The following LRMDA variants were observed in gnomAD, a reference collection of about 807,000 sequenced individuals.
LRMDA encodes leucine-rich melanocyte differentiation-associated protein.
LRMDA carries 18 observed loss-of-function variants against 29.8 expected under a neutral mutation model. That is an observed-to-expected ratio of 0.60 (90% CI 0.42 to 0.90). The LOEUF is 0.90. LRMDA is among the 40% of genes least tolerant of loss of function. The probability of loss-of-function intolerance (pLI) is 0.00; values close to 1 mark genes in which losing one functional copy is unlikely to be tolerated. For missense variants in LRMDA, 273 were observed against 273.9 expected (o/e 1.00, Z 0.02); for synonymous variants, 125 against 109.4 (o/e 1.14, Z -0.89).
At chr10:76,107,199 A>G (rs144393025) in intron 5 of LRMDA, among the ~76,000 whole-genome samples, 2 of 152,252 alleles carry the variant, frequency 1.3e-5, no homozygotes, top group East Asian at 3.9e-4. Flanking sequence ...TTTCAAGGGA[A>G]ATCTATTAGC....
At chr10:75,668,639 A>T (rs985905164) in intron 2 of LRMDA, among the ~76,000 whole-genome samples, 2 of 152,252 alleles carry the variant, frequency 1.3e-5, no homozygotes, top group Non-Finnish European at 2.9e-5. Context: ...AATAAGAAAA[A>T]TTTTTTTGAA....
intron 2 of LRMDA, among the ~76,000 whole-genome samples, chr10:76,006,529 C>T (rs745567179): frequency 1.3e-5 from 2 of 152,108 alleles, no homozygotes; most frequent in Non-Finnish European, 2.9e-5. Flanking sequence ...CTCTGCAGAG[C>T]GAAGCTCCAA....
chr10:76,028,451 C>A (rs759556217), intron 2 of LRMDA, among the ~76,000 whole-genome samples: 23 of 152,000 alleles, frequency 1.5e-4, no homozygotes, highest in Non-Finnish European at 3.1e-4. Flanking sequence ...GATAGTTGAA[C>A]TTTATTATTT....
At chr10:76,325,984 A>G (rs923247082) in intron 6 of LRMDA, among the ~76,000 whole-genome samples, 1 of 152,246 alleles carries the variant, frequency 6.6e-6, no homozygotes, top group African/African-American at 2.4e-5. Context: ...CTCTTGGATG[A>G]CATCAGGGCT....
At chr10:75,826,542 T>C (rs777522876) in intron 2 of LRMDA, among the ~76,000 whole-genome samples, 1 of 152,214 alleles carries the variant, frequency 6.6e-6, no homozygotes, top group Non-Finnish European at 1.5e-5. Flanking sequence ...CCTGTGGAGC[T>C]CTTTCTTTTA....
At chr10:75,433,699 C>T (rs776165658) in intron 1 of LRMDA, among the ~76,000 whole-genome samples, 4 of 151,874 alleles carry the variant, frequency 2.6e-5, no homozygotes, top group East Asian at 1.9e-4. Context: ...AAATAAAACC[C>T]GCAAAACTTC....
chr10:76,532,066 G>A (rs1311074959), intron 6 of LRMDA, among the ~76,000 whole-genome samples: 3 of 152,074 alleles, frequency 2.0e-5, no homozygotes, highest in Non-Finnish European at 4.4e-5. Flanking sequence ...TGGGGTACAT[G>A]TGCAGAACAT....
chr10:75,604,919 T>G (rs1840936729), intron 2 of LRMDA, among the ~76,000 whole-genome samples: 1 of 152,240 alleles, frequency 6.6e-6, no homozygotes, highest in Non-Finnish European at 1.5e-5. Flanking sequence ...TTCTCTTTGT[T>G]CTTGTGACAT....
intron 5 of LRMDA, among the ~76,000 whole-genome samples, chr10:76,076,303 G>A (rs941385067): frequency 2.4e-5 from 3 of 127,554 alleles, no homozygotes; most frequent in African/African-American, 9.0e-5. Flanking sequence ...AGACCGCCAT[G>A]CCACTGCACT....
chr10:76,069,802 T>G (rs1429479176), intron 5 of LRMDA, among the ~76,000 whole-genome samples: 1 of 152,190 alleles, frequency 6.6e-6, no homozygotes, highest in Admixed American at 6.5e-5. Context: ...CCTCCCCCAT[T>G]CCACAGCCTT....
intron 2 of LRMDA, among the ~76,000 whole-genome samples, chr10:75,981,885 A>G (rs1302093430): frequency 4.0e-5 from 6 of 150,114 alleles, no homozygotes; most frequent in African/African-American, 1.2e-4. Flanking sequence ...GAGTGATAGG[A>G]TGGAACAAAA....
In LRMDA at chr10:75,923,809, CT is replaced by C. The variant is rs1018184605; in HGVS notation, c.132-112193del. Among the ~76,000 whole-genome samples the C allele has an allele frequency of 3.9e-5, 6 of 152,062 alleles. No individual in the cohort carries two copies. In the East Asian group the frequency reaches 5.8e-4, roughly 15 times the overall value. On this transcript the variant is annotated intron_variant, in intron 2 of 6. Transcript: ENST00000611255. ...AATGACCTTCCATTTTAGGGATTCC[CT>C]TTTTTGCACCCCTCCCTTACCCCCT...
chr10:76,305,294 G>A (rs1840540001), intron 5 of LRMDA, among the ~76,000 whole-genome samples: 1 of 152,182 alleles, frequency 6.6e-6, no homozygotes, highest in South Asian at 2.1e-4. Flanking sequence ...TCTTATAATT[G>A]GTACAAAAGA....
intron 2 of LRMDA, among the ~76,000 whole-genome samples, chr10:75,617,316 A>G (rs938381730): frequency 1.3e-5 from 2 of 152,138 alleles, no homozygotes; most frequent in African/African-American, 4.8e-5. Flanking sequence ...TACAACCTCT[A>G]AGTGGAAGGA....
At chr10:75,619,373 C>T (rs1031125147) in intron 2 of LRMDA, among the ~76,000 whole-genome samples, 2 of 152,142 alleles carry the variant, frequency 1.3e-5, no homozygotes, top group African/African-American at 4.8e-5. Flanking sequence ...CAAGGGGAAG[C>T]TACCTGCAGA....
intron 2 of LRMDA, among the ~76,000 whole-genome samples, chr10:75,660,414 G>T (rs1841736901): frequency 6.6e-6 from 1 of 152,184 alleles, no homozygotes. Flanking sequence ...GCGCCTGCCG[G>T]ACGGCTCTGA....
chr10:75,713,879 T>C (rs886328737), intron 2 of LRMDA, among the ~76,000 whole-genome samples: 21 of 151,858 alleles, frequency 1.4e-4, no homozygotes, highest in Non-Finnish European at 1.5e-5. Context: ...CCCAAATAAA[T>C]GTCCTGGCAA....
At chr10:76,018,305 TG>T (rs1847911999) in intron 2 of LRMDA, among the ~76,000 whole-genome samples, 1 of 152,194 alleles carries the variant, frequency 6.6e-6, no homozygotes, top group South Asian at 2.1e-4. Flanking sequence ...GTTCACTAAA[TG>T]CTAACAGCAC....
At chr10:76,168,326 C>T (rs1316686528) in intron 5 of LRMDA, among the ~76,000 whole-genome samples, 1 of 152,180 alleles carries the variant, frequency 6.6e-6, no homozygotes, top group African/African-American at 2.4e-5. Flanking sequence ...AAGCCCATCT[C>T]AGTGACACCA....
Sources: allele counts gnomAD v4.1 joint callset (sites outside exome capture counted in the v4.1 genomes callset), GRCh38; gene constraint gnomAD v4.1.1; transcripts MANE v1.5; gene names NCBI Gene and HGNC (gene_info 2026-07-23, HGNC 2026-07-21).